The following SYTL3 variants were observed in gnomAD, a reference collection of about 807,000 sequenced individuals.
The protein encoded by SYTL3 is synaptotagmin like 3, also known as synaptotagmin-like protein 3.
A neutral mutation model predicts 82.1 loss-of-function variants in SYTL3; 88 were observed. That is an observed-to-expected ratio of 1.07 (90% CI 0.90 to 1.28). SYTL3 has a LOEUF of 1.28. Among genes scored for constraint, SYTL3 ranks in the 50% most tolerant of loss-of-function variants. The pLI is 0.00. For missense variants in SYTL3, 831 were observed against 757.6 expected, an observed-to-expected ratio of 1.10 and a Z score of -1.14; for synonymous variants, 311 against 289.4, an observed-to-expected ratio of 1.07 and a Z score of -0.76.
At chr6:158,705,887 C>T (rs1782032013) in intron 6 of SYTL3, among the ~76,000 whole-genome samples, 1 of 152,146 alleles carries the variant, frequency 6.6e-6, no homozygotes, top group Non-Finnish European at 1.5e-5. Context: ...CAGGTCTGTG[C>T]TCGCCCCAGG....
Position 158,663,358 on chromosome 6 carries a change from C to T in SYTL3, c.90C>T (p.Asn30=), listed in dbSNP as rs745833675. 1 of 1,613,698 alleles carries T rather than the reference C, an allele frequency of 6.2e-7. No homozygotes were observed. Among genetic ancestry groups the T allele is most frequent in the African/African-American group, 1.3e-5 (1 of 74,894 alleles). Residue 30 remains asparagine (N), a synonymous_variant, in exon 4 of 18, where the codon AAC becomes AAT. Coordinates refer to ENST00000611299, the MANE Select transcript of SYTL3 (RefSeq NM_001242394.2). ...TGTACCGAGACCAGGCGGTTCAAAA[C>T]ACAGAGGAGGAGAGGACACGGTAGG... ...QVLYRDQAVQ[N]TEEERTRKLK...
At position 158,763,321 on chromosome 6, in the gene SYTL3, A is replaced by AC; in HGVS notation, c.1537dup (p.Gln513ProfsTer101). ...CTCTTCAGCTGTCTCACTCTGCCAG[A>AC]CCAACAAAAACTGAGACTGAAGTCG... On this transcript the variant is annotated frameshift_variant, in exon 17 of 18. Transcript: ENST00000611299. LOFTEE classifies it high-confidence loss of function. The AC allele has an allele frequency of 6.2e-7, 1 of 1,614,186 alleles. No homozygotes were observed. The highest frequency in any genetic ancestry group is 8.5e-7 in the Non-Finnish European group (1 of 1,180,036).
intron 4 of SYTL3, among the ~76,000 whole-genome samples, chr6:158,664,444 G>T (rs1176226438): frequency 6.6e-6 from 1 of 152,182 alleles, no homozygotes; most frequent in African/African-American, 2.4e-5. Flanking sequence ...TCAGGAGGTT[G>T]AGACAGGAGA....
At chr6:158,678,124 G>T (rs562600772) in intron 5 of SYTL3, among the ~76,000 whole-genome samples, 34 of 152,222 alleles carry the variant, frequency 2.2e-4, no homozygotes, top group African/African-American at 3.9e-4. Flanking sequence ...CAATCCTCTC[G>T]CCTCGGCCTC....
chr6:158,715,599 T>TCTCACACACACACACACACACACA (rs1783276356), intron 9 of SYTL3, among the ~76,000 whole-genome samples: 2 of 116,442 alleles, frequency 1.7e-5, no homozygotes, highest in South Asian at 3.1e-4. Flanking sequence ...TGAAACCGCA[T>TCTCACACACACACACACACACACA]CACACACACA....
At chr6:158,676,190 C>CT (rs1442943358) in intron 5 of SYTL3, among the ~76,000 whole-genome samples, 11 of 152,226 alleles carry the variant, frequency 7.2e-5, no homozygotes, top group Non-Finnish European at 2.9e-5. Flanking sequence ...CAACATGGTA[C>CT]TGTTACCAAA....
intron 11 of SYTL3, 54 bp from the exon 12 acceptor site, chr6:158,745,426 C>G: frequency 6.7e-7 from 1 of 1,492,664 alleles, no homozygotes; most frequent in Non-Finnish European, 9.1e-7. Context: ...ACCAGAACAT[C>G]AAAAAAGTGA....
intron 6 of SYTL3, among the ~76,000 whole-genome samples, chr6:158,691,630 A>G (rs1779875707): frequency 6.6e-6 from 1 of 151,992 alleles, no homozygotes; most frequent in Non-Finnish European, 1.5e-5. Context: ...AAAAGCAGAA[A>G]GATGACAATA....
upstream of SYTL3, among the ~76,000 whole-genome samples, chr6:158,648,590 C>CAAAAAAAA (rs869171730): frequency 7.6e-6 from 1 of 131,434 alleles, no homozygotes; most frequent in Non-Finnish European, 1.6e-5. Flanking sequence ...GACTCGGTCT[C>CAAAAAAAA]AAAAAAAAAA....
chr6:158,745,482 A>G lies in SYTL3; in HGVS notation c.858A>G (p.Gly286=). 1 of 1,606,686 alleles carries G rather than the reference A, an allele frequency of 6.2e-7. No homozygotes were observed. The highest frequency in any genetic ancestry group is 8.5e-7 in the Non-Finnish European group (1 of 1,178,210). ...ATATCTGTTATTCTTGATTTCAGGGAAGTTTAATTAGCATTGACAGCACCT... is the reference window on the plus strand; with the variant it reads ...ATATCTGTTATTCTTGATTTCAGGGGAGTTTAATTAGCATTGACAGCACCT... ...STIFSGGFRH[G]SLISIDSTCT... is the part of the protein sequence containing the mutation. The change falls in exon 12 of 18, where the codon GGA becomes GGG. Residue 286 remains glycine, a splice_region_variant and synonymous_variant. Transcript: ENST00000611299.
chr6:158,670,903 C>T (rs1383920014), intron 5 of SYTL3, among the ~76,000 whole-genome samples: 3 of 151,660 alleles, frequency 2.0e-5, no homozygotes, highest in African/African-American at 4.8e-5. Flanking sequence ...CCTGGGTTCA[C>T]GCCATTCTCC....
intron 6 of SYTL3, among the ~76,000 whole-genome samples, chr6:158,688,596 C>G (rs1779533853): frequency 6.6e-6 from 1 of 151,990 alleles, no homozygotes; most frequent in Admixed American, 6.6e-5. Flanking sequence ...GATCCTGTCT[C>G]TAAAAAAATT....
intron 14 of SYTL3, among the ~76,000 whole-genome samples, chr6:158,758,534 G>A (rs1394028082): frequency 6.6e-6 from 1 of 152,102 alleles, no homozygotes; most frequent in Non-Finnish European, 1.5e-5. Flanking sequence ...TAAGGCACAA[G>A]GGCCATCTGG....
chr6:158,667,271 A>G (rs1480764365), intron 5 of SYTL3, among the ~76,000 whole-genome samples: 1 of 152,200 alleles, frequency 6.6e-6, no homozygotes, highest in Non-Finnish European at 1.5e-5. Context: ...TGTCCCAGGC[A>G]CTGTAACTTT....
At chr6:158,724,172 G>T (rs889619551) in intron 10 of SYTL3, among the ~76,000 whole-genome samples, 1 of 152,164 alleles carries the variant, frequency 6.6e-6, no homozygotes, top group African/African-American at 2.4e-5. Flanking sequence ...GCCCTTGGAG[G>T]ATGGACGTTT....
intron 14 of SYTL3, among the ~76,000 whole-genome samples, chr6:158,758,436 CAAA>C (rs560146235): frequency 1.6e-5 from 2 of 127,110 alleles, no homozygotes; most frequent in African/African-American, 2.9e-5. Flanking sequence ...GACTCTGTCT[CAAA>C]AAAAAAAAAA....
intron 11 of SYTL3, among the ~76,000 whole-genome samples, chr6:158,728,174 A>G (rs1784964403): frequency 6.6e-6 from 1 of 152,096 alleles, no homozygotes; most frequent in African/African-American, 2.4e-5. Flanking sequence ...AGTCATGAAG[A>G]TATTCTCCCA....
At chr6:158,657,079 A>G (rs1788765627) in intron 2 of SYTL3, among the ~76,000 whole-genome samples, 1 of 152,128 alleles carries the variant, frequency 6.6e-6, no homozygotes, top group South Asian at 2.1e-4. Flanking sequence ...TCTTCCTGGT[A>G]CTTACTATAG....
intron 6 of SYTL3, among the ~76,000 whole-genome samples, chr6:158,688,763 A>G (rs1043891246): frequency 1.3e-5 from 2 of 152,174 alleles, no homozygotes. Flanking sequence ...GTGGGTGCAT[A>G]TCTGTATGTG....
Sources: gnomAD v4.1 joint callset for allele counts (sites outside exome capture counted in the v4.1 genomes callset) on GRCh38, gnomAD v4.1.1 for gene constraint, MANE v1.5 for transcripts, NCBI Gene and HGNC (gene_info 2026-07-23, HGNC 2026-07-21) for gene names.